Variants in NRG3 observed in about 807,000 individuals in gnomAD.
NRG3 encodes neuregulin 3, also known as pro-neuregulin-3, membrane-bound isoform.
Under a neutral mutation model 66.9 loss-of-function variants are expected in NRG3, and 31 were observed. The ratio of observed to expected loss-of-function variants is 0.46; its 90% CI spans 0.35 to 0.63. The LOEUF is 0.63. Ranked by LOEUF, NRG3 falls within the 20% of genes least tolerant of loss-of-function variation. The pLI, the probability that NRG3 is intolerant of heterozygous loss-of-function variation, is 0.00. For synonymous variants in NRG3, 393 were observed against 359.4 expected, an observed-to-expected ratio of 1.09 and a Z score of -1.06; for missense variants, 910 against 878.9, an observed-to-expected ratio of 1.04 and a Z score of -0.45.
rs1028416156 is a variant in NRG3, at chr10:82,291,376, T to G, written c.824-67363T>G. Among the ~76,000 whole-genome samples the G allele has an allele frequency of 2.6e-5, 4 of 152,328 alleles. No homozygotes were observed. In the East Asian group the frequency reaches 7.7e-4, roughly 29 times the overall value. ...AAATAATTGGAGAGACATATGGTGTTCATGTACTGGAAGTCTCACATAGTA... is the reference window on the plus strand; with the variant it reads ...AAATAATTGGAGAGACATATGGTGTGCATGTACTGGAAGTCTCACATAGTA... On this transcript the variant is annotated intron_variant, in intron 1 of 8. Coordinates refer to ENST00000372141, the MANE Select transcript of NRG3 (RefSeq NM_001010848.4).
chr10:82,510,583 T>C (rs1845078256), intron 2 of NRG3, among the ~76,000 whole-genome samples: 1 of 152,184 alleles, frequency 6.6e-6, no homozygotes, highest in Non-Finnish European at 1.5e-5. Context: ...CATCAAGAAA[T>C]GCTACTCCAT....
At chr10:82,534,352 G>A (rs1022065231) in intron 2 of NRG3, among the ~76,000 whole-genome samples, 7 of 151,446 alleles carry the variant, frequency 4.6e-5, no homozygotes, top group Non-Finnish European at 8.8e-5. Flanking sequence ...CAACCTCCGC[G>A]CTCCCGGGTT....
chr10:82,103,126 G>T (rs1399519248), intron 1 of NRG3, among the ~76,000 whole-genome samples: 1 of 151,958 alleles, frequency 6.6e-6, no homozygotes. Flanking sequence ...ATTCTGGGCT[G>T]GTCTTTTCTT....
At chr10:82,784,701 A>C (rs1319395285) in intron 3 of NRG3, among the ~76,000 whole-genome samples, 2 of 151,574 alleles carry the variant, frequency 1.3e-5, no homozygotes, top group African/African-American at 2.4e-5. Context: ...AAAGTCAGGA[A>C]ACAACAGGTG....
chr10:82,475,069 A>G (rs573274798), intron 2 of NRG3, among the ~76,000 whole-genome samples: 33 of 152,174 alleles, frequency 2.2e-4, no homozygotes, highest in Admixed American at 5.9e-4. Context: ...GAAAAACAGC[A>G]AGAAAAAGCT....
intron 1 of NRG3, among the ~76,000 whole-genome samples, chr10:82,326,956 G>A (rs772757027): frequency 1.7e-4 from 26 of 152,188 alleles, no homozygotes; most frequent in Non-Finnish European, 2.6e-4. Flanking sequence ...AGACAGCTTA[G>A]TATATTCTTT....
chr10:82,764,201 C>G (rs1048689734), intron 3 of NRG3, among the ~76,000 whole-genome samples: 1 of 151,060 alleles, frequency 6.6e-6, no homozygotes, highest in African/African-American at 2.4e-5. Context: ...CACCCAACTA[C>G]TTTTTGTACT....
At chr10:82,844,824 T>C (rs2063228340) in intron 3 of NRG3, among the ~76,000 whole-genome samples, 1 of 152,188 alleles carries the variant, frequency 6.6e-6, no homozygotes, top group South Asian at 2.1e-4. Flanking sequence ...TCTTTGCTTC[T>C]ATTTCTCAAA....
chr10:82,432,523 A>T (rs932802650), intron 2 of NRG3, among the ~76,000 whole-genome samples: 1 of 149,028 alleles, frequency 6.7e-6, no homozygotes, highest in Non-Finnish European at 1.5e-5. Context: ...AACAGGATAC[A>T]TGTGCAGATC....
chr10:82,252,622 A>G (rs1386610393), intron 1 of NRG3, among the ~76,000 whole-genome samples: 1 of 152,072 alleles, frequency 6.6e-6, no homozygotes, highest in Non-Finnish European at 1.5e-5. Context: ...ATTTGGATTC[A>G]CTTTTTTTTT....
chr10:82,243,500 A>G (rs2077093529), intron 1 of NRG3, among the ~76,000 whole-genome samples: 1 of 152,164 alleles, frequency 6.6e-6, no homozygotes, highest in Non-Finnish European at 1.5e-5. Context: ...AGAGTTAAAG[A>G]AAAAAATTTA....
intron 4 of NRG3, among the ~76,000 whole-genome samples, chr10:82,946,345 C>A (rs1204681908): frequency 1.3e-5 from 2 of 151,814 alleles, no homozygotes; most frequent in Admixed American, 1.3e-4. Flanking sequence ...TCGAGACTAG[C>A]CTGGCCAAGA....
At chr10:82,362,556 T>G (rs57462708) in intron 2 of NRG3, among the ~76,000 whole-genome samples, 18,854 of 141,774 alleles carry the variant, frequency 0.13, 2,813 homozygotes, top group African/African-American at 0.33. Flanking sequence ...GGGTTTTTTT[T>G]TTTTTTTTTT....
At chr10:82,349,896 T>G (rs947838565) in intron 1 of NRG3, among the ~76,000 whole-genome samples, 3 of 152,192 alleles carry the variant, frequency 2.0e-5, no homozygotes, top group African/African-American at 7.2e-5. Context: ...GCTTCCCAAG[T>G]GAGGCAATGC....
At position 82,959,092 on chromosome 10, in the gene NRG3, C is replaced by G; in HGVS notation, c.1284+17C>G. 1 of 1,578,606 alleles carries G rather than the reference C, an allele frequency of 6.3e-7. No homozygotes were observed. Among genetic ancestry groups the G allele is most frequent in the Non-Finnish European group, 8.6e-7 (1 of 1,167,222 alleles). The stretch of plus-strand genomic sequence containing the variant: ...CTGCAAAATGTAAGTGACATGTCTA[C>G]ACACCTCCTCCTATAGCCTACCTCA... On this transcript the variant is annotated intron_variant, in intron 6 of 8. Coordinates refer to ENST00000372141, the MANE Select transcript of NRG3 (RefSeq NM_001010848.4).
At chr10:82,334,136 C>CAAAAAA (rs34320765) in intron 1 of NRG3, among the ~76,000 whole-genome samples, 15 of 89,766 alleles carry the variant, frequency 1.7e-4, no homozygotes, top group East Asian at 8.0e-4. Context: ...CATGGCGTCT[C>CAAAAAA]AAAAAAAAAA....
At chr10:82,177,048 C>A (rs760391884) in intron 1 of NRG3, among the ~76,000 whole-genome samples, 1 of 151,796 alleles carries the variant, frequency 6.6e-6, no homozygotes, top group African/African-American at 2.4e-5. Context: ...TCCTTACCTG[C>A]GTAATAATGA....
chr10:82,146,316 G>A (rs774266324), intron 1 of NRG3, among the ~76,000 whole-genome samples: 9 of 152,054 alleles, frequency 5.9e-5, no homozygotes, highest in African/African-American at 1.4e-4. Flanking sequence ...TCCAAATGTC[G>A]TTTGGGTTGT....
chr10:82,858,603 T>C (rs1412867906), intron 3 of NRG3, among the ~76,000 whole-genome samples: 2 of 152,198 alleles, frequency 1.3e-5, no homozygotes, highest in African/African-American at 2.4e-5. Context: ...GGACTACCTC[T>C]ACCTGGAGTG....
Sources: gnomAD v4.1 joint callset for allele counts (sites outside exome capture counted in the v4.1 genomes callset) on GRCh38, gnomAD v4.1.1 for gene constraint, MANE v1.5 for transcripts, NCBI Gene and HGNC (gene_info 2026-07-23, HGNC 2026-07-21) for gene names.